The following PRDM4 variants were observed in gnomAD, a reference collection of about 807,000 sequenced individuals.
PRDM4 encodes the protein PR domain zinc finger protein 4.
Under a neutral mutation model 62.3 loss-of-function variants are expected in PRDM4, and 38 were observed. The observed-to-expected ratio is 0.61, with a 90% confidence interval of 0.47 to 0.80. PRDM4 has a LOEUF of 0.80. PRDM4 is among the 30% of genes least tolerant of loss of function. The probability of loss-of-function intolerance (pLI) is 0.00; values close to 1 mark genes in which losing one functional copy is unlikely to be tolerated. For missense variants in PRDM4, 858 were observed against 997.1 expected (o/e 0.86, Z 1.88); for synonymous variants, 339 against 348.2 (o/e 0.97, Z 0.30).
Position 107,752,118 on chromosome 12 carries a change from G to A in PRDM4, c.423C>T (p.Thr141=). 1 of 1,605,456 alleles carries A rather than the reference G, an allele frequency of 6.2e-7. No individual in the cohort carries two copies. Among genetic ancestry groups the A allele is most frequent in the Non-Finnish European group, 8.5e-7 (1 of 1,172,172 alleles). Residue 141 remains threonine (T), a synonymous_variant, in exon 5 of 12, where the codon ACC becomes ACT. Coordinates refer to ENST00000228437, the MANE Select transcript of PRDM4 (RefSeq NM_012406.4). ...AGGGATCTAGTGCTGAAGGGTTATT[G>A]GTGATAGATAATGCTGTATTACCAT... ...NVDGNTALSI[T]NNPSALDPYQ... is the part of the protein sequence containing the mutation.
chr12:107,737,553 A>T (rs1181643671), intron 11 of PRDM4, among the ~76,000 whole-genome samples: 1 of 152,356 alleles, frequency 6.6e-6, no homozygotes, highest in East Asian at 1.9e-4. Context: ...GCTGATATCG[A>T]CTTGATTCAA....
chr12:107,745,757 A>T (rs2136319436), intron 6 of PRDM4, among the ~76,000 whole-genome samples: 1 of 152,348 alleles, frequency 6.6e-6, no homozygotes, highest in Admixed American at 6.5e-5. Flanking sequence ...CTAAAAGAAT[A>T]ATGAACCTAA....
chr12:107,759,559 T>C (rs1891165042), intron 2 of PRDM4, among the ~76,000 whole-genome samples: 2 of 152,198 alleles, frequency 1.3e-5, no homozygotes, highest in Non-Finnish European at 2.9e-5. Context: ...CTAGGCCTTC[T>C]CAAACCAGTT....
intron 10 of PRDM4, among the ~76,000 whole-genome samples, chr12:107,740,577 G>C (rs1354800966): frequency 1.3e-5 from 2 of 152,114 alleles, no homozygotes; most frequent in East Asian, 3.8e-4. Context: ...AAAATAAACT[G>C]TGGCAATATT....
At position 107,751,663 on chromosome 12, in the gene PRDM4, G is replaced by A; in HGVS notation, c.878C>T (p.Ala293Val). ...SALSDSIHTV[A>V]MSTNSVSVAL... ...CACGCTTACAGAGTTGGTGCTCATGGCCACAGTGTGAATGGAGTCACTGAG... is the reference window on the plus strand; with the variant it reads ...CACGCTTACAGAGTTGGTGCTCATGACCACAGTGTGAATGGAGTCACTGAG... Residue 293 changes from alanine (A) to valine (V), a missense_variant, in exon 5 of 12, where the codon GCC (alanine) becomes GTC (valine). Transcript: ENST00000228437. 6 of 1,614,160 alleles carry A rather than the reference G, an allele frequency of 3.7e-6. No individual in the cohort carries two copies. Among genetic ancestry groups the A allele is most frequent in the Non-Finnish European group, 4.2e-6 (5 of 1,180,026 alleles).
At chr12:107,740,845 C>T in intron 10 of PRDM4, 101 bp downstream of exon 10, 1 of 1,230,858 alleles carries the variant, frequency 8.1e-7, no homozygotes. Context: ...CTTTCTCTGA[C>T]ATCAAATCTC....
intron 9 of PRDM4, 57 bp from the exon 10 acceptor site, chr12:107,741,317 T>G: frequency 6.8e-7 from 1 of 1,463,996 alleles, no homozygotes; most frequent in Non-Finnish European, 9.3e-7. Context: ...AACTTGTTCT[T>G]GATATTAACA....
Position 107,760,608 on chromosome 12 carries a change from T to G in PRDM4, c.-93A>C, listed in dbSNP as rs1443591606. 6.6e-7 allele frequency: 1 copy of G among 1,512,250 alleles called. No individual in the cohort carries two copies. The highest frequency in any genetic ancestry group is 9.0e-7 in the Non-Finnish European group (1 of 1,107,046). The allele number at this position is 1,512,250 out of a possible 1,614,324, so 93.7% of individuals were successfully genotyped here. ...TCCAGGGTCACGTGCTACCACATCT[T>G]GCTCACAACCGCTGCACCGACGCGG... is the stretch of plus-strand genomic sequence containing the variant. On this transcript the variant is annotated 5_prime_UTR_variant, in exon 2 of 12. Coordinates refer to ENST00000228437, the MANE Select transcript of PRDM4 (RefSeq NM_012406.4).
intron 4 of PRDM4, among the ~76,000 whole-genome samples, chr12:107,752,596 ATATAAT>A (rs1890929921): frequency 6.6e-6 from 1 of 152,076 alleles, no homozygotes; most frequent in Admixed American, 6.5e-5. Context: ...ATATAATTTA[ATATAAT>A]TAAACTATCA....
intron 10 of PRDM4, chr12:107,739,811 G>T (rs1890455367): frequency 1.7e-5 from 4 of 228,584 alleles, no homozygotes; most frequent in Non-Finnish European, 2.5e-5. Flanking sequence ...ATGTATAGGT[G>T]ATACATAAAA....
At position 107,739,568 on chromosome 12, in the gene PRDM4, G is replaced by C. The variant is rs1890446918; in HGVS notation, c.1925-17C>G. The C allele has an allele frequency of 2.5e-6, 4 of 1,606,544 alleles. No homozygotes were observed. Among genetic ancestry groups the C allele is most frequent in the Admixed American group, 3.4e-5 (2 of 59,104 alleles). ...TCTTCTGACCTGCAATCAGCCCAAAGTATTACACCGTGAAGAAAACAACTG... is the reference window on the plus strand; with the variant it reads ...TCTTCTGACCTGCAATCAGCCCAAACTATTACACCGTGAAGAAAACAACTG... On this transcript the variant is annotated splice_polypyrimidine_tract_variant and intron_variant, in intron 10 of 11. Transcript: ENST00000228437.
chr12:107,746,195 TTATACACA>T, intron 6 of PRDM4, 72 bp downstream of exon 6: 1 of 1,527,344 alleles, frequency 6.5e-7, no homozygotes, highest in Admixed American at 2.0e-5. Context: ...AATTACTAAA[TTATACACA>T]TCCACTTTTA....
intron 9 of PRDM4, among the ~76,000 whole-genome samples, chr12:107,741,809 A>G (rs548139062): frequency 6.6e-6 from 1 of 152,334 alleles, no homozygotes; most frequent in South Asian, 2.1e-4. Context: ...TTGTAAGCAA[A>G]ATATTTAGGT....
chr12:107,738,913 A>C (rs1050338960), intron 11 of PRDM4, among the ~76,000 whole-genome samples: 14 of 150,066 alleles, frequency 9.3e-5, no homozygotes, highest in East Asian at 2.0e-4. Context: ...ACACACACAC[A>C]CCAACAGAAC....
At chr12:107,739,108 T>C (rs1230185203) in intron 11 of PRDM4, 14 of 335,050 alleles carry the variant, frequency 4.2e-5, no homozygotes, top group African/African-American at 8.4e-5. Context: ...TTGCAGTCAA[T>C]AGTCCTTTTT....
At chr12:107,752,691 G>A (rs970138889) in intron 4 of PRDM4, among the ~76,000 whole-genome samples, 2 of 152,088 alleles carry the variant, frequency 1.3e-5, no homozygotes, top group African/African-American at 4.8e-5. Context: ...GTGCTTGGGA[G>A]GATATGGTGA....
Position 107,742,242 on chromosome 12 carries a change from G to A in PRDM4, c.1588C>T (p.Arg530Ter), listed in dbSNP as rs1890539526. 19 of 1,613,136 alleles carry A rather than the reference G, an allele frequency of 1.2e-5. No homozygotes were observed. Among genetic ancestry groups the A allele is most frequent in the Non-Finnish European group, 1.6e-5 (19 of 1,179,422 alleles). The change falls in exon 9 of 12, where the codon CGA becomes TGA. Residue 530 changes from arginine (R) to a stop codon, truncating the protein, a stop_gained. Coordinates refer to ENST00000228437, the MANE Select transcript of PRDM4 (RefSeq NM_012406.4). LOFTEE classifies it high-confidence loss of function. Reference sequence around the variant, plus strand: ...TTACCAATCTGTTGAGCATAATCTCGGCTATAATAAAAAAGCAGTTCATTT... The same window carrying A: ...TTACCAATCTGTTGAGCATAATCTCAGCTATAATAAAAAAGCAGTTCATTT... ...PENELLFYYS[R>*]DYAQQIGVPE...
chr12:107,745,059 C>CA (rs1444235165), intron 6 of PRDM4, among the ~76,000 whole-genome samples: 2 of 150,440 alleles, frequency 1.3e-5, no homozygotes, highest in East Asian at 1.9e-4. Context: ...GACTCTGTCT[C>CA]AAAAAAAATA....
At chr12:107,745,495 G>C (rs1244271965) in intron 6 of PRDM4, among the ~76,000 whole-genome samples, 1 of 152,088 alleles carries the variant, frequency 6.6e-6, no homozygotes, top group Admixed American at 6.6e-5. Context: ...TTGAGCCCAG[G>C]AGGTCAAGGC....
Sources: allele counts gnomAD v4.1 joint callset (sites outside exome capture counted in the v4.1 genomes callset), GRCh38; gene constraint gnomAD v4.1.1; transcripts MANE v1.5; gene names NCBI Gene and HGNC (gene_info 2026-07-23, HGNC 2026-07-21).